MEGF6: variants seen among roughly 807,000 people sequenced by gnomAD.
MEGF6 encodes multiple epidermal growth factor-like domains protein 6.
MEGF6 carries 184 observed loss-of-function variants against 207.1 expected under a neutral mutation model. The observed-to-expected ratio is 0.89, with a 90% CI of 0.79 to 1.00. The LOEUF (loss-of-function observed/expected upper bound fraction) is 1.00, where lower values mean the gene tolerates loss of function less well. MEGF6 is among the 50% of genes least tolerant of loss of function. The pLI is 0.00. For synonymous variants in MEGF6, 1,038 were observed against 910.0 expected (o/e 1.14, Z -2.53); for missense variants, 2,282 against 2,202.9 (o/e 1.04, Z -0.72).
chr1:3,595,970 C>G (rs1644057460), intron 2 of MEGF6, among the ~76,000 whole-genome samples: 1 of 152,096 alleles, frequency 6.6e-6, no homozygotes, highest in Non-Finnish European at 1.5e-5. Flanking sequence ...ATCAGTGAAG[C>G]AGACGGCCCC....
At chr1:3,598,845 C>T (rs903711964) in intron 2 of MEGF6, among the ~76,000 whole-genome samples, 1 of 152,136 alleles carries the variant, frequency 6.6e-6, no homozygotes, top group Non-Finnish European at 1.5e-5. Flanking sequence ...AGAGCCCCTC[C>T]CCCACCCCTT....
At chr1:3,491,782 G>C (rs1015565525) in intron 35 of MEGF6, among the ~76,000 whole-genome samples, 9 of 151,068 alleles carry the variant, frequency 6.0e-5, no homozygotes, top group Admixed American at 3.3e-4. Context: ...GGGTGGGGGG[G>C]GGGGTGCGGG....
In MEGF6 at chr1:3,496,684, G is replaced by C; in HGVS notation, c.3713C>G (p.Thr1238Ser). The C allele has an allele frequency of 6.4e-7, 1 of 1,568,166 alleles. No homozygotes were observed. The highest frequency in any genetic ancestry group is 8.6e-7 in the Non-Finnish European group (1 of 1,156,914). Residue 1238 changes from threonine to serine, a missense_variant, in exon 29 of 37, where the codon ACT (threonine) becomes AGT (serine). Thr to Ser is a moderately conservative substitution (Grantham distance 58). Transcript: ENST00000356575. ...DAATGACRCP[T>S]GFLGTDCNLT... ...GTTGCAGTCCGTCCCGAGGAACCCA[G>C]TGGGGCAGCGGCAGGCCCCCGTGGC...
intron 3 of MEGF6, among the ~76,000 whole-genome samples, chr1:3,589,494 A>C (rs1643943074): frequency 6.6e-6 from 1 of 151,976 alleles, no homozygotes; most frequent in African/African-American, 2.4e-5. Flanking sequence ...ACATCAGTAG[A>C]CCACCACCAC....
chr1:3,610,634 A>C (rs922633532), intron 1 of MEGF6, among the ~76,000 whole-genome samples: 1 of 152,250 alleles, frequency 6.6e-6, no homozygotes, highest in African/African-American at 2.4e-5. Flanking sequence ...CCATTCTGGC[A>C]CTCAGTTCCT....
chr1:3,521,467 G>C (rs1641743877), intron 5 of MEGF6, among the ~76,000 whole-genome samples: 1 of 152,098 alleles, frequency 6.6e-6, no homozygotes, highest in South Asian at 2.1e-4. Context: ...GCAGCCCTTG[G>C]CCAGGAGCTG....
At chr1:3,537,812 C>T (rs16823839) in intron 4 of MEGF6, among the ~76,000 whole-genome samples, 3,257 of 152,290 alleles carry the variant, frequency 0.021, 116 homozygotes, top group African/African-American at 0.073. Context: ...AAGGTAAGGG[C>T]GTGTCCCCCG....
intron 5 of MEGF6, among the ~76,000 whole-genome samples, chr1:3,517,566 C>G (rs913334313): frequency 9.2e-5 from 14 of 152,356 alleles, no homozygotes; most frequent in African/African-American, 3.1e-4. Context: ...GGATATGCAG[C>G]TCAGGAGGGG....
rs1643316023 is a variant in MEGF6 at position 3,565,410 on chromosome 1, CA to C, written c.481+14414del. Among the ~76,000 whole-genome samples, 1 of 152,214 alleles carries C rather than the reference CA, an allele frequency of 6.6e-6. No homozygotes were observed. The highest frequency in any genetic ancestry group is 1.9e-4 in the East Asian group (1 of 5,174). ...GCCTGCTCTGGCCTCTCAAGGCCAC[CA>C]GGGGGTGCCAGCGCCCCACCCTGAG... is the stretch of plus-strand genomic sequence containing the variant. On this transcript the variant is annotated intron_variant, in intron 4 of 36. Transcript: ENST00000356575. This position sits in a 1 kb window ranked among gnomAD's most constrained non-coding sequence, Gnocchi z 4.8.
intron 34 of MEGF6, 118 bp from the exon 35 acceptor site, chr1:3,492,885 G>C (rs994082139): frequency 7.1e-6 from 10 of 1,408,622 alleles, no homozygotes; most frequent in Non-Finnish European, 7.7e-6. Flanking sequence ...CTTCTGCCTG[G>C]GTGTGTGCGG....
At chr1:3,558,545 C>T (rs1009967786) in intron 4 of MEGF6, among the ~76,000 whole-genome samples, 18 of 152,156 alleles carry the variant, frequency 1.2e-4, no homozygotes, top group African/African-American at 3.9e-4. Context: ...TTTTCTTGCT[C>T]GCAAGACGTG....
intron 5 of MEGF6, among the ~76,000 whole-genome samples, chr1:3,516,566 C>T (rs1641548418): frequency 2.0e-5 from 3 of 152,178 alleles, no homozygotes; most frequent in African/African-American, 7.2e-5. Context: ...GGGACTGCCA[C>T]CATCCCTGGG....
At chr1:3,550,667 C>T (rs1202467396) in intron 4 of MEGF6, among the ~76,000 whole-genome samples, 1 of 152,258 alleles carries the variant, frequency 6.6e-6, no homozygotes, top group Non-Finnish European at 1.5e-5. Flanking sequence ...GATCTGGCCC[C>T]ATGCCAGGGG....
At position 3,531,126 on chromosome 1, in the gene MEGF6, G is replaced by C. The variant is rs1642148667; in HGVS notation, c.482-6880C>G. The C allele has an allele frequency of 9.2e-6, 14 of 1,529,382 alleles. No homozygotes were observed. In the East Asian group the frequency reaches 3.7e-4, roughly 40 times the overall value. 94.7% of individuals were successfully genotyped at this position (1,529,382 alleles called of 1,614,324 possible). On this transcript the variant is annotated intron_variant, in intron 4 of 36. Transcript: ENST00000356575. ...TCACGGGGTAGCCGGCCTGGCCCAG[G>C]TGACATGGGTAGCAGCCCCTCCAGA...
In MEGF6 at chr1:3,597,591, G is replaced by A. The variant is rs193129010; in HGVS notation, c.267-2144C>T. Among the ~76,000 whole-genome samples, 36 of 152,300 alleles carry A rather than the reference G, an allele frequency of 2.4e-4. No individual in the cohort carries two copies. The East Asian group carries it at 5.2e-3, about 22-fold the overall frequency. On this transcript the variant is annotated intron_variant, in intron 2 of 36. Coordinates refer to ENST00000356575, the MANE Select transcript of MEGF6 (RefSeq NM_001409.4). ...GGATGGGGGACCCTAATCCAGTGACGGGCGCCCTTATAAGAAGAGGGAAAT... is the reference window on the plus strand; with the variant it reads ...GGATGGGGGACCCTAATCCAGTGACAGGCGCCCTTATAAGAAGAGGGAAAT...
intron 3 of MEGF6, among the ~76,000 whole-genome samples, chr1:3,583,503 C>T (rs1472427236): frequency 1.1e-4 from 4 of 35,020 alleles, no homozygotes; most frequent in Non-Finnish European, 5.5e-5. Flanking sequence ...CCAGACAACG[C>T]GCAGCCACCA....
At chr1:3,497,848 G>A (rs947228051) in intron 26 of MEGF6, among the ~76,000 whole-genome samples, 6 of 152,196 alleles carry the variant, frequency 3.9e-5, no homozygotes, top group Non-Finnish European at 7.4e-5. Flanking sequence ...TGGGGACGGC[G>A]CCTCTGCTGG....
At chr1:3,555,795 C>T (rs1643016291) in intron 4 of MEGF6, among the ~76,000 whole-genome samples, 1 of 152,212 alleles carries the variant, frequency 6.6e-6, no homozygotes. Flanking sequence ...CCAGCGGCGG[C>T]ATCCAAAGGC....
intron 4 of MEGF6, among the ~76,000 whole-genome samples, chr1:3,544,251 C>T (rs544716030): frequency 9.9e-5 from 15 of 151,040 alleles, no homozygotes; most frequent in Admixed American, 8.6e-4. Context: ...ATCGCAGCGG[C>T]ATCAGGCTAA....
Sources: allele counts gnomAD v4.1 joint callset (sites outside exome capture counted in the v4.1 genomes callset), GRCh38; gene constraint gnomAD v4.1.1; non-coding constraint Gnocchi (gnomAD v3.1); transcripts MANE v1.5; gene names NCBI Gene and HGNC (gene_info 2026-07-23, HGNC 2026-07-21).